Variants in AFF2 observed in about 807,000 individuals in gnomAD.
AFF2 encodes ALF transcription elongation factor 2, also known as AF4/FMR2 family member 2.
In AFF2, 14 loss-of-function variants were observed where a neutral mutation model predicts 76.9. That is an observed-to-expected ratio of 0.18 (90% confidence interval 0.12 to 0.28). The LOEUF (loss-of-function observed/expected upper bound fraction) is 0.28. Among genes scored for constraint, AFF2 ranks in the 10% least tolerant of loss-of-function variants. AFF2 has a pLI of 1.00. For missense variants in AFF2, 868 were observed against 1,001.1 expected, an observed-to-expected ratio of 0.87 and a Z score of 1.79; for synonymous variants, 398 against 366.7, an observed-to-expected ratio of 1.09 and a Z score of -0.98.
intron 3 of AFF2, among the ~76,000 whole-genome samples, chrX:148,687,953 G>T (rs1464213141): frequency 9.1e-6 from 1 of 110,123 alleles, no homozygotes; most frequent in East Asian, 2.9e-4. Flanking sequence ...TTCCCATTGG[G>T]ACCTCATATT....
At position 148,848,660 on chromosome X, in the gene AFF2, A is replaced by G. The variant is rs963724754; in HGVS notation, c.1262+5227A>G. On this transcript the variant is annotated intron_variant, in intron 7 of 20. Transcript: ENST00000370460. ...GACTGTTATTTTCTTAATCAGATTAATTCTTAATCAGAATACATGATTTGG... is the reference window on the plus strand; with the variant it reads ...GACTGTTATTTTCTTAATCAGATTAGTTCTTAATCAGAATACATGATTTGG... 4.4e-5 allele frequency among the ~76,000 whole-genome samples: 5 copies of G among 112,552 alleles called. No individual in the cohort carries two copies. The Admixed American group carries it at 4.7e-4, about 11-fold the overall frequency.
chrX:148,617,316 G>C (rs2053820328), intron 1 of AFF2, among the ~76,000 whole-genome samples: 1 of 112,199 alleles, frequency 8.9e-6, no homozygotes, highest in Admixed American at 9.4e-5. Flanking sequence ...GCATTTCTCT[G>C]ATGGCCAGTG....
chrX:148,543,510 T>A (rs890028121), intron 1 of AFF2, among the ~76,000 whole-genome samples: 4 of 111,174 alleles, frequency 3.6e-5, no homozygotes, highest in African/African-American at 9.8e-5. Context: ...AAAAACAAAG[T>A]GACTTGCCCA....
chrX:148,975,478 G>T (rs1195396127), intron 16 of AFF2, among the ~76,000 whole-genome samples: 1 of 111,793 alleles, frequency 8.9e-6, no homozygotes, highest in Non-Finnish European at 1.9e-5. Flanking sequence ...TCGAGCTGCA[G>T]AATAACATGC....
At chrX:148,694,968 A>G (rs1397809488) in intron 3 of AFF2, among the ~76,000 whole-genome samples, 5 of 108,976 alleles carry the variant, frequency 4.6e-5, no homozygotes, top group African/African-American at 1.3e-4. Context: ...GGCGCCCGCC[A>G]CCATGCTCGG....
At chrX:148,568,043 T>C (rs1247450851) in intron 1 of AFF2, among the ~76,000 whole-genome samples, 3 of 110,748 alleles carry the variant, frequency 2.7e-5, no homozygotes, top group African/African-American at 9.9e-5. Flanking sequence ...GTTGGGGACA[T>C]CTTGCTGGAA....
chrX:148,580,473 A>C (rs782109376), intron 1 of AFF2, among the ~76,000 whole-genome samples: 6 of 111,403 alleles, frequency 5.4e-5, no homozygotes, highest in Admixed American at 9.6e-5. Flanking sequence ...GCTGTTTTGA[A>C]GCATCAGACA....
At chrX:148,962,107 C>G (rs1214584605) in intron 12 of AFF2, among the ~76,000 whole-genome samples, 1 of 112,764 alleles carries the variant, frequency 8.9e-6, no homozygotes, top group Admixed American at 9.4e-5. Context: ...TACATCAGTA[C>G]TTCAGTATAA....
Position 148,789,874 on chromosome X carries a change from C to T in AFF2, c.1042-20002C>T, listed in dbSNP as rs184945793. Among the ~76,000 whole-genome samples, 3 of 111,632 alleles carry T rather than the reference C, an allele frequency of 2.7e-5. No individual in the cohort carries two copies. In the Admixed American group the frequency reaches 2.9e-4, roughly 11 times the overall value. ...AACCTGGAATACCTGCTTTTCCAGC[C>T]TTTTCAATTCATAGGTGAAGAACCT... is the stretch of plus-strand genomic sequence containing the variant. On this transcript the variant is annotated intron_variant, in intron 3 of 20. Coordinates refer to ENST00000370460, the MANE Select transcript of AFF2 (RefSeq NM_002025.4).
At chrX:148,617,177 G>T (rs1473077369) in intron 1 of AFF2, among the ~76,000 whole-genome samples, 29 of 111,214 alleles carry the variant, frequency 2.6e-4, no homozygotes, top group African/African-American at 4.2e-4. Context: ...TGAACTAGTT[G>T]ACAGTCCCAC....
intron 3 of AFF2, among the ~76,000 whole-genome samples, chrX:148,780,767 T>C (rs1382368992): frequency 1.8e-5 from 2 of 112,004 alleles, no homozygotes; most frequent in African/African-American, 6.5e-5. Context: ...GTCAAACTTA[T>C]TCTTTGTCCA....
At chrX:148,982,882 T>C (rs1557291028) in intron 19 of AFF2, among the ~76,000 whole-genome samples, 1 of 112,238 alleles carries the variant, frequency 8.9e-6, no homozygotes, top group African/African-American at 3.2e-5. Flanking sequence ...AAGGCTACTA[T>C]GTAGAAAAAT....
At position 148,857,483 on chromosome X, in the gene AFF2, A is replaced by G. The variant is rs1192649055; in HGVS notation, c.1262+14050A>G. 3.6e-5 allele frequency among the ~76,000 whole-genome samples: 4 copies of G among 111,899 alleles called. No individual in the cohort carries two copies. In the Admixed American group the frequency reaches 3.8e-4, roughly 11 times the overall value. On this transcript the variant is annotated intron_variant, in intron 7 of 20. Coordinates refer to ENST00000370460, the MANE Select transcript of AFF2 (RefSeq NM_002025.4). ...CTTTAGCAATTTGATTCTGAATGCA[A>G]CATAAATTAACTTTATAAAATAGAA...
intron 3 of AFF2, among the ~76,000 whole-genome samples, chrX:148,749,066 A>G (rs782224141): frequency 3.6e-5 from 4 of 111,600 alleles, no homozygotes; most frequent in South Asian, 7.6e-4. Flanking sequence ...GAGGAACTGT[A>G]AAAGCTGTGC....
intron 7 of AFF2, among the ~76,000 whole-genome samples, chrX:148,868,020 C>T (rs1230520303): frequency 2.7e-5 from 3 of 111,725 alleles, no homozygotes; most frequent in African/African-American, 6.5e-5. Context: ...AGTTTACTCA[C>T]ACTCTTTGCC....
chrX:148,788,162 G>T (rs2069846916), intron 3 of AFF2, among the ~76,000 whole-genome samples: 1 of 111,463 alleles, frequency 9.0e-6, no homozygotes, highest in Non-Finnish European at 1.9e-5. Context: ...CATCCTAACT[G>T]GGTTAGGCAT....
At chrX:148,646,028 T>C (rs1448167182) in intron 1 of AFF2, among the ~76,000 whole-genome samples, 1 of 112,137 alleles carries the variant, frequency 8.9e-6, no homozygotes, top group Non-Finnish European at 1.9e-5. Flanking sequence ...AAAGAGGCCA[T>C]GCACAAAAAA....
chrX:148,672,773 G>A (rs2054438498), intron 3 of AFF2, among the ~76,000 whole-genome samples: 2 of 111,707 alleles, frequency 1.8e-5, no homozygotes, highest in South Asian at 7.3e-4. Context: ...ACTTGTTAGA[G>A]GACTTTTTCT....
chrX:148,882,233 A>G (rs1384630497), intron 7 of AFF2, among the ~76,000 whole-genome samples: 1 of 111,796 alleles, frequency 8.9e-6, no homozygotes, highest in Non-Finnish European at 1.9e-5. Context: ...GGAGGCCACT[A>G]GGTTCAGCTT....
Sources: allele counts gnomAD v4.1 joint callset (sites outside exome capture counted in the v4.1 genomes callset), GRCh38; gene constraint gnomAD v4.1.1; transcripts MANE v1.5; gene names NCBI Gene and HGNC (gene_info 2026-07-23, HGNC 2026-07-21).